ZNF385D: variants seen among roughly 807,000 people sequenced by gnomAD.
ZNF385D encodes the protein zinc finger protein 385D.
A neutral mutation model predicts 35.8 loss-of-function variants in ZNF385D; 15 were observed. The observed-to-expected ratio is 0.42, with a 90% CI of 0.28 to 0.64. The LOEUF (loss-of-function observed/expected upper bound fraction) is 0.64. Among genes scored for constraint, ZNF385D ranks in the 30% least tolerant of loss-of-function variants. The pLI is 0.23. For missense variants in ZNF385D, 474 were observed against 494.6 expected (o/e 0.96, Z 0.39); for synonymous variants, 212 against 186.8 (o/e 1.13, Z -1.10).
Position 21,613,512 on chromosome 3 carries a change from C to G in ZNF385D, c.166-48828G>C, listed in dbSNP as rs189351030. 3.2e-3 allele frequency among the ~76,000 whole-genome samples: 489 copies of G among 152,168 alleles called. 6 individuals are homozygous for G. Among genetic ancestry groups the G allele is most frequent in the African/African-American group, 0.011 (456 of 41,524 alleles). On this transcript the variant is annotated intron_variant, in intron 2 of 7. Coordinates refer to ENST00000281523, the MANE Select transcript of ZNF385D (RefSeq NM_024697.3). ...CCTGAAACAAGCTTCATCAGTTTCA[C>G]AGAAAATCCTCCTCTGTGGGTTACT...
intron 4 of ZNF385D, among the ~76,000 whole-genome samples, chr3:21,507,709 C>T (rs1706885980): frequency 6.6e-6 from 1 of 152,136 alleles, no homozygotes; most frequent in Non-Finnish European, 1.5e-5. Flanking sequence ...GTAGGCGAGT[C>T]TATAGCCACA....
chr3:21,802,238 T>A (rs6779369), intron 3 of ZNF385D, among the ~76,000 whole-genome samples: 3,498 of 152,292 alleles, frequency 0.023, 129 homozygotes, highest in African/African-American at 0.077. Context: ...ATTTAGTATA[T>A]ATTTAAATGC....
At chr3:21,530,652 TCAAA>T (rs1189940966) in intron 3 of ZNF385D, among the ~76,000 whole-genome samples, 2 of 152,148 alleles carry the variant, frequency 1.3e-5, no homozygotes, top group Non-Finnish European at 2.9e-5. Context: ...CTCAGCATGA[TCAAA>T]CAAGTTTTTT....
chr3:22,197,371 A>G (rs1211646697), intron 2 of ZNF385D, among the ~76,000 whole-genome samples: 6 of 151,942 alleles, frequency 3.9e-5, no homozygotes, highest in South Asian at 2.1e-4. Flanking sequence ...GTATTTTTCC[A>G]TATCTGTTTC....
intron 3 of ZNF385D, among the ~76,000 whole-genome samples, chr3:22,012,647 G>C (rs1696649614): frequency 6.6e-6 from 1 of 152,052 alleles, no homozygotes; most frequent in Non-Finnish European, 1.5e-5. Context: ...TCCAGAGCTG[G>C]CTTCACTTGA....
chr3:21,854,331 C>T (rs1696586588), intron 3 of ZNF385D, among the ~76,000 whole-genome samples: 1 of 151,936 alleles, frequency 6.6e-6, no homozygotes, highest in Non-Finnish European at 1.5e-5. Flanking sequence ...CCAACCTTGC[C>T]TAGGAAACTT....
At chr3:21,837,332 G>A (rs1192396870) in intron 3 of ZNF385D, among the ~76,000 whole-genome samples, 1 of 152,184 alleles carries the variant, frequency 6.6e-6, no homozygotes. Context: ...TTGTCTGCAA[G>A]GTCCTTGTGC....
chr3:21,708,230 ATGG>A (rs2067977880), intron 1 of ZNF385D, among the ~76,000 whole-genome samples: 1 of 152,180 alleles, frequency 6.6e-6, no homozygotes, highest in African/African-American at 2.4e-5. Context: ...TGTTACTCAA[ATGG>A]GCAGCAGCAG....
chr3:21,534,772 C>T (rs1024206595), intron 3 of ZNF385D, among the ~76,000 whole-genome samples: 7 of 152,138 alleles, frequency 4.6e-5, no homozygotes, highest in Middle Eastern at 3.4e-3. Context: ...TTTGAGGCAA[C>T]GGTTCATGAA....
chr3:21,629,315 C>A (rs1447202834), intron 2 of ZNF385D, among the ~76,000 whole-genome samples: 6 of 152,034 alleles, frequency 3.9e-5, no homozygotes, highest in African/African-American at 1.2e-4. Context: ...GAGGTTGGGG[C>A]CTACAGAAGC....
intron 3 of ZNF385D, among the ~76,000 whole-genome samples, chr3:21,519,076 T>G (rs964410104): frequency 6.6e-6 from 1 of 152,088 alleles, no homozygotes; most frequent in Non-Finnish European, 1.5e-5. Flanking sequence ...TCCTGTCTTC[T>G]GTACTCTTCA....
intron 2 of ZNF385D, among the ~76,000 whole-genome samples, chr3:22,190,486 T>C (rs943043793): frequency 1.1e-4 from 16 of 152,194 alleles, no homozygotes; most frequent in South Asian, 4.1e-4. Flanking sequence ...AATATATGTG[T>C]CAAGGAATTT....
intron 3 of ZNF385D, among the ~76,000 whole-genome samples, chr3:21,528,877 T>C (rs1448588252): frequency 6.6e-6 from 1 of 152,166 alleles, no homozygotes; most frequent in African/African-American, 2.4e-5. Context: ...TTAGCTAATC[T>C]TTGTCTAAAT....
intron 3 of ZNF385D, among the ~76,000 whole-genome samples, chr3:22,124,330 T>G (rs1403107758): frequency 3.3e-5 from 5 of 152,174 alleles, no homozygotes; most frequent in African/African-American, 1.2e-4. Flanking sequence ...ATTCATCTGT[T>G]GATGGACACT....
chr3:22,341,465 C>T (rs1198075012), intron 2 of ZNF385D, among the ~76,000 whole-genome samples: 1 of 152,174 alleles, frequency 6.6e-6, no homozygotes, highest in African/African-American at 2.4e-5. Flanking sequence ...CACTGTCCAA[C>T]AACCTACAAA....
intron 2 of ZNF385D, among the ~76,000 whole-genome samples, chr3:21,620,632 C>T (rs1398537676): frequency 6.6e-6 from 1 of 152,096 alleles, no homozygotes; most frequent in East Asian, 1.9e-4. Context: ...TCTCAGCCCC[C>T]TAAGGGCATT....
rs576639401 is a variant in ZNF385D at position 21,565,432 on chromosome 3, G to A, written c.166-748C>T. 6.6e-5 allele frequency among the ~76,000 whole-genome samples: 10 copies of A among 152,260 alleles called. No individual in the cohort carries two copies. In the South Asian group the frequency reaches 1.7e-3, roughly 25 times the overall value. The stretch of plus-strand genomic sequence containing the variant: ...GTCCTATGGTTGCTCTGGCTGGAGT[G>A]CAGTGGTGAGATCATAGCTCACTGT... On this transcript the variant is annotated intron_variant, in intron 2 of 7. Coordinates refer to ENST00000281523, the MANE Select transcript of ZNF385D (RefSeq NM_024697.3).
chr3:21,972,866 C>T (rs373194164), intron 3 of ZNF385D, among the ~76,000 whole-genome samples: 3 of 151,726 alleles, frequency 2.0e-5, no homozygotes, highest in African/African-American at 7.3e-5. Flanking sequence ...AAGATTGAAC[C>T]GTGAAGAAAT....
rs536754934 is a variant in ZNF385D at position 22,088,558 on chromosome 3, C to T, written c.325+80259G>A. Among the ~76,000 whole-genome samples the T allele has an allele frequency of 3.3e-5, 5 of 152,232 alleles. No homozygotes were observed. The South Asian group carries it at 1.0e-3, about 32-fold the overall frequency. ...TGAGACTTAAAAATGCTCTTGTACT[C>T]CTGAGTATGGACACCAACCAGAAGA... On this transcript the variant is annotated intron_variant, in intron 3 of 5. Transcript: ENST00000494108.
Sources: allele counts gnomAD v4.1 joint callset (sites outside exome capture counted in the v4.1 genomes callset), GRCh38; gene constraint gnomAD v4.1.1; transcripts MANE v1.5; gene names NCBI Gene and HGNC (gene_info 2026-07-23, HGNC 2026-07-21).